Variants in TIAM1 observed in about 807,000 individuals in gnomAD.
TIAM1 encodes TIAM Rac1 associated GEF 1.
A neutral mutation model predicts 163.5 loss-of-function variants in TIAM1; 65 were observed. The observed-to-expected ratio is 0.40, with a 90% CI of 0.33 to 0.49. The LOEUF is 0.49. TIAM1 is among the 20% of genes least tolerant of loss of function. The pLI is 0.77. For synonymous variants in TIAM1, 833 were observed against 810.1 expected (o/e 1.03, Z -0.48); for missense variants, 1,789 against 2,044.7 (o/e 0.87, Z 2.41).
chr21:31,540,408 C>T (rs1031224241), intron 1 of TIAM1, among the ~76,000 whole-genome samples: 2 of 150,058 alleles, frequency 1.3e-5, no homozygotes, highest in South Asian at 2.1e-4. Context: ...AAAAAGGTAG[C>T]GAGTACAATG....
chr21:31,223,923 C>G (rs61100713), intron 7 of TIAM1, among the ~76,000 whole-genome samples: 3,819 of 152,192 alleles, frequency 0.025, 164 homozygotes, highest in African/African-American at 0.085. Context: ...CACCAAAGAA[C>G]TATATGACTT....
At chr21:31,552,733 G>A (rs1164657707) in intron 1 of TIAM1, among the ~76,000 whole-genome samples, 1 of 152,100 alleles carries the variant, frequency 6.6e-6, no homozygotes, top group African/African-American at 2.4e-5. Context: ...TTGTGCCACT[G>A]CACTCCAGCC....
At chr21:31,331,547 C>G (rs1024637393) in intron 2 of TIAM1, among the ~76,000 whole-genome samples, 7 of 152,252 alleles carry the variant, frequency 4.6e-5, no homozygotes, top group African/African-American at 1.2e-4. Context: ...CTACCACACT[C>G]CTGAGGACTG....
intron 2 of TIAM1, among the ~76,000 whole-genome samples, chr21:31,423,473 A>G (rs904836751): frequency 6.6e-6 from 1 of 151,988 alleles, no homozygotes; most frequent in Non-Finnish European, 1.5e-5. Context: ...CATTATACAC[A>G]TTCAGAGAAT....
rs147701527 is a variant in TIAM1 at position 31,298,735 on chromosome 21, GGTGTGTGT to G, written c.-188-21835_-188-21828del. Among the ~76,000 whole-genome samples the G allele has an allele frequency of 7.9e-5, 11 of 138,572 alleles. No homozygotes were observed. In the South Asian group the frequency reaches 9.7e-4, roughly 12 times the overall value. The allele number at this position is 138,572 out of a possible 152,430, so 90.9% of individuals were successfully genotyped here. ...ATGGATCAGATCAGATCCAATTGAG[GGTGTGTGT>G]GTGTGTGTGTGTGTGTGTGTGTGTG... is the stretch of plus-strand genomic sequence containing the variant. On this transcript the variant is annotated intron_variant, in intron 2 of 27. Transcript: ENST00000541036.
intron 11 of TIAM1, among the ~76,000 whole-genome samples, chr21:31,209,576 G>A (rs376344206): frequency 1.6e-4 from 25 of 152,206 alleles, no homozygotes; most frequent in African/African-American, 5.5e-4. Context: ...ATAGTGTATC[G>A]GTTACTGATT....
At chr21:31,387,098 C>T (rs1017364398) in intron 2 of TIAM1, among the ~76,000 whole-genome samples, 5 of 151,956 alleles carry the variant, frequency 3.3e-5, no homozygotes, top group Admixed American at 6.6e-5. Context: ...CAGGTGGCTA[C>T]AGCCTTCTCT....
At chr21:31,306,627 T>C (rs776031189) in intron 2 of TIAM1, among the ~76,000 whole-genome samples, 7 of 152,180 alleles carry the variant, frequency 4.6e-5, no homozygotes, top group Non-Finnish European at 8.8e-5. Context: ...TGTCTGCCAG[T>C]GATGCAACGA....
chr21:31,388,771 A>G (rs2076921349), intron 2 of TIAM1, among the ~76,000 whole-genome samples: 1 of 152,254 alleles, frequency 6.6e-6, no homozygotes, highest in African/African-American at 2.4e-5. Context: ...TGGGGATAAT[A>G]ATTGAATCTA....
intron 1 of TIAM1, among the ~76,000 whole-genome samples, chr21:31,490,906 C>T (rs751465429): frequency 3.3e-5 from 5 of 152,260 alleles, no homozygotes; most frequent in Admixed American, 2.0e-4. Flanking sequence ...GTGGGCGGAT[C>T]GCGAGGTCTG....
At chr21:31,379,833 A>G (rs2076747899) in intron 2 of TIAM1, among the ~76,000 whole-genome samples, 1 of 152,204 alleles carries the variant, frequency 6.6e-6, no homozygotes. Flanking sequence ...ATCTATGGAG[A>G]CAAATTAAAT....
intron 2 of TIAM1, among the ~76,000 whole-genome samples, chr21:31,418,274 G>C (rs368836915): frequency 1.3e-5 from 2 of 149,046 alleles, no homozygotes; most frequent in South Asian, 4.3e-4. Context: ...CCCGGCAGGC[G>C]GAAGTTGAGG....
chr21:31,393,354 T>C (rs993737235), intron 2 of TIAM1, among the ~76,000 whole-genome samples: 2 of 152,172 alleles, frequency 1.3e-5, no homozygotes, highest in African/African-American at 4.8e-5. Flanking sequence ...GAAAAACGAA[T>C]GCAACAGGCT....
intron 2 of TIAM1, among the ~76,000 whole-genome samples, chr21:31,440,839 C>A (rs572822204): frequency 6.6e-6 from 1 of 152,128 alleles, no homozygotes; most frequent in South Asian, 2.1e-4. Context: ...AGAGATCATG[C>A]CATTGCACTC....
intron 2 of TIAM1, among the ~76,000 whole-genome samples, chr21:31,356,449 C>A (rs1163501524): frequency 6.6e-6 from 1 of 152,156 alleles, no homozygotes; most frequent in Admixed American, 6.6e-5. Context: ...CCTCAAAATT[C>A]ATATGTTGAA....
intron 2 of TIAM1, among the ~76,000 whole-genome samples, chr21:31,390,029 T>G (rs1253949535): frequency 6.6e-6 from 1 of 152,148 alleles, no homozygotes; most frequent in African/African-American, 2.4e-5. Context: ...AAAGATATAT[T>G]TTTAAAAAAT....
intron 1 of TIAM1, among the ~76,000 whole-genome samples, chr21:31,541,396 G>C (rs2048319164): frequency 2.0e-5 from 3 of 152,124 alleles, no homozygotes; most frequent in African/African-American, 7.2e-5. Flanking sequence ...GGTTGAGGCT[G>C]CACTGAGCCA....
At chr21:31,513,853 C>T (rs1447716751) in intron 1 of TIAM1, among the ~76,000 whole-genome samples, 1 of 151,862 alleles carries the variant, frequency 6.6e-6, no homozygotes, top group Non-Finnish European at 1.5e-5. Flanking sequence ...ACTAAAAATA[C>T]AAAATTAGCC....
chr21:31,450,445 A>C (rs959888903), intron 2 of TIAM1, among the ~76,000 whole-genome samples: 2 of 152,016 alleles, frequency 1.3e-5, no homozygotes, highest in African/African-American at 4.8e-5. Flanking sequence ...CCCAGATCCG[A>C]GATTCTTCAA....
Sources: gnomAD v4.1 joint callset for allele counts (sites outside exome capture counted in the v4.1 genomes callset) on GRCh38, gnomAD v4.1.1 for gene constraint, MANE v1.5 for transcripts, NCBI Gene and HGNC (gene_info 2026-07-23, HGNC 2026-07-21) for gene names.